GLIS3: variants seen among roughly 807,000 people sequenced by gnomAD.
The protein encoded by GLIS3 is zinc finger protein GLIS3.
A neutral mutation model predicts 78.6 loss-of-function variants in GLIS3; 53 were observed. The ratio of observed to expected loss-of-function variants is 0.67; its 90% confidence interval spans 0.54 to 0.85. The LOEUF is 0.85. Ranked by LOEUF, GLIS3 falls within the 40% of genes least tolerant of loss-of-function variation. The pLI, the probability that GLIS3 is intolerant of heterozygous loss-of-function variation, is 0.00. For missense variants in GLIS3, 1,703 were observed against 1,231.1 expected (o/e 1.38, Z -5.74); for synonymous variants, 684 against 509.9 (o/e 1.34, Z -4.60).
At chr9:4,294,475 T>G (rs1387991775) in intron 1 of GLIS3, among the ~76,000 whole-genome samples, 9 of 151,958 alleles carry the variant, frequency 5.9e-5, no homozygotes, top group African/African-American at 2.2e-4. Context: ...CACCATTGCT[T>G]TCCAGCCTGG....
At chr9:4,159,644 G>A (rs1333463560) in intron 2 of GLIS3, among the ~76,000 whole-genome samples, 3 of 152,000 alleles carry the variant, frequency 2.0e-5, no homozygotes, top group Admixed American at 6.6e-5. Flanking sequence ...GCTTGAATCC[G>A]GGAGGCAGAG....
chr9:4,419,609 A>G, the GLIS3 span, among the ~76,000 whole-genome samples: 1,790 of 152,082 alleles, frequency 0.012, 28 homozygotes, highest in African/African-American at 0.033. Context: ...GTGAAACCCC[A>G]TCTCTACTAA....
chr9:4,339,663 G>C (rs887696533), intron 2 of GLIS3, among the ~76,000 whole-genome samples: 2 of 147,696 alleles, frequency 1.4e-5, no homozygotes, highest in African/African-American at 5.0e-5. Context: ...AGTTTCCCAA[G>C]CAAGGGTGGA....
At chr9:4,464,064 A>G in the GLIS3 span, among the ~76,000 whole-genome samples, 1 of 152,196 alleles carries the variant, frequency 6.6e-6, no homozygotes, top group African/African-American at 2.4e-5. Context: ...TTTATGTGGT[A>G]CACTGGCAAA....
At chr9:4,148,080 T>G (rs929507516) in intron 2 of GLIS3, among the ~76,000 whole-genome samples, 1 of 152,188 alleles carries the variant, frequency 6.6e-6, no homozygotes, top group East Asian at 1.9e-4. Flanking sequence ...TTTTTTCTTT[T>G]GCATAGGAAA....
At chr9:3,960,211 T>C (rs952332666) in intron 4 of GLIS3, among the ~76,000 whole-genome samples, 33 of 152,068 alleles carry the variant, frequency 2.2e-4, no homozygotes, top group African/African-American at 7.7e-4. Flanking sequence ...GGGAGAACAC[T>C]GTGTAAATAT....
chr9:4,473,566 CACTT>C, the GLIS3 span, among the ~76,000 whole-genome samples: 143 of 151,948 alleles, frequency 9.4e-4, no homozygotes, highest in African/African-American at 3.3e-3. Context: ...CACATGTTCT[CACTT>C]ACAAGTGGGA....
At chr9:4,227,260 G>A (rs1032748319) in intron 2 of GLIS3, among the ~76,000 whole-genome samples, 1 of 147,106 alleles carries the variant, frequency 6.8e-6, no homozygotes, top group African/African-American at 2.5e-5. Flanking sequence ...AGACAGGACA[G>A]AATTTGCCAC....
intron 4 of GLIS3, among the ~76,000 whole-genome samples, chr9:4,095,180 G>C (rs948971465): frequency 6.6e-6 from 1 of 151,914 alleles, no homozygotes; most frequent in South Asian, 2.1e-4. Context: ...CCCTATCTCC[G>C]CCTTCCCCCT....
intron 2 of GLIS3, among the ~76,000 whole-genome samples, chr9:4,166,715 A>T (rs1040178472): frequency 6.6e-6 from 1 of 152,262 alleles, no homozygotes; most frequent in Non-Finnish European, 1.5e-5. Context: ...GTGGCTACAC[A>T]TAAAAGCAGT....
intron 2 of GLIS3, among the ~76,000 whole-genome samples, chr9:4,180,041 T>G (rs892661166): frequency 1.3e-5 from 2 of 152,178 alleles, no homozygotes; most frequent in African/African-American, 4.8e-5. Context: ...TTTATGCCAT[T>G]TGACGGATAC....
At chr9:4,441,033 T>C in the GLIS3 span, among the ~76,000 whole-genome samples, 1 of 152,226 alleles carries the variant, frequency 6.6e-6, no homozygotes, top group Admixed American at 6.5e-5. Context: ...ATTCATTTAT[T>C]AGTTCTAACA....
At chr9:4,308,356 C>T (rs143105713) in intron 4 of GLIS3, among the ~76,000 whole-genome samples, 10 of 151,866 alleles carry the variant, frequency 6.6e-5, no homozygotes, top group African/African-American at 2.4e-4. Context: ...GGTGAGAAAA[C>T]AGAGGGAAGG....
the GLIS3 span, among the ~76,000 whole-genome samples, chr9:4,373,457 C>T: frequency 3.9e-5 from 6 of 152,138 alleles, no homozygotes; most frequent in African/African-American, 1.4e-4. Flanking sequence ...GATCCACATC[C>T]AGCATTGGGG....
At chr9:4,391,911 A>G in the GLIS3 span, among the ~76,000 whole-genome samples, 1 of 152,254 alleles carries the variant, frequency 6.6e-6, no homozygotes, top group Non-Finnish European at 1.5e-5. Flanking sequence ...TATATACCCA[A>G]AGGAATATAA....
intron 8 of GLIS3, among the ~76,000 whole-genome samples, chr9:3,866,520 T>C (rs1820597992): frequency 6.6e-6 from 1 of 152,112 alleles, no homozygotes; most frequent in African/African-American, 2.4e-5. Flanking sequence ...AGGGCCTTTC[T>C]GAAGAGGTAC....
chr9:4,104,637 C>T (rs1284653707), intron 4 of GLIS3, among the ~76,000 whole-genome samples: 2 of 152,164 alleles, frequency 1.3e-5, no homozygotes, highest in Non-Finnish European at 2.9e-5. Context: ...CCCATTTCTC[C>T]ATCACAGTCT....
At chr9:4,153,432 T>G (rs1304657303) in intron 2 of GLIS3, among the ~76,000 whole-genome samples, 1 of 152,030 alleles carries the variant, frequency 6.6e-6, no homozygotes, top group Non-Finnish European at 1.5e-5. Context: ...GGTGTGCTTG[T>G]GCACTCCTGT....
intron 4 of GLIS3, among the ~76,000 whole-genome samples, chr9:4,072,324 T>G (rs1827683420): frequency 6.6e-6 from 1 of 152,124 alleles, no homozygotes; most frequent in South Asian, 2.1e-4. Flanking sequence ...ATCAGTGCAG[T>G]TTGAAATACT....
Sources: allele counts gnomAD v4.1 joint callset (sites outside exome capture counted in the v4.1 genomes callset), GRCh38; gene constraint gnomAD v4.1.1; transcripts MANE v1.5; gene names NCBI Gene and HGNC (gene_info 2026-07-23, HGNC 2026-07-21).